Variants in SKAP1 observed in about 807,000 individuals in gnomAD.
SKAP1 encodes src kinase associated phosphoprotein 1.
In SKAP1, 44 loss-of-function variants were observed where a neutral mutation model predicts 58.5. The ratio of observed to expected loss-of-function variants is 0.75; its 90% confidence interval spans 0.59 to 0.97. The LOEUF (loss-of-function observed/expected upper bound fraction) is 0.97. Among genes scored for constraint, SKAP1 ranks in the 50% least tolerant of loss-of-function variants. SKAP1 has a pLI of 0.00. For synonymous variants in SKAP1, 127 were observed against 149.7 expected (o/e 0.85, Z 1.11); for missense variants, 390 against 435.2 (o/e 0.90, Z 0.92).
intron 4 of SKAP1, among the ~76,000 whole-genome samples, chr17:48,263,436 A>G (rs1200163562): frequency 6.6e-6 from 1 of 152,226 alleles, no homozygotes; most frequent in East Asian, 1.9e-4. Context: ...AAAGCAGACA[A>G]ATATTTTCTA....
At chr17:48,403,894 C>T (rs1211836999) in intron 1 of SKAP1, among the ~76,000 whole-genome samples, 1 of 151,898 alleles carries the variant, frequency 6.6e-6, no homozygotes, top group African/African-American at 2.4e-5. Context: ...TGAGACCAGC[C>T]TGGCCAATAT....
intron 4 of SKAP1, among the ~76,000 whole-genome samples, chr17:48,298,418 G>C (rs2066010216): frequency 6.6e-6 from 1 of 152,106 alleles, no homozygotes; most frequent in Non-Finnish European, 1.5e-5. Flanking sequence ...AAAAGTAGAT[G>C]ATTGAATTCA....
intron 4 of SKAP1, among the ~76,000 whole-genome samples, chr17:48,239,718 C>T (rs1233501135): frequency 6.6e-6 from 1 of 152,050 alleles, no homozygotes; most frequent in Non-Finnish European, 1.5e-5. Context: ...AACCATGAAT[C>T]CTACTCACTG....
intron 4 of SKAP1, among the ~76,000 whole-genome samples, chr17:48,192,094 C>T (rs939615536): frequency 1.3e-5 from 2 of 151,960 alleles, no homozygotes; most frequent in African/African-American, 2.4e-5. Context: ...GTAGGAGGAT[C>T]TCTTGAGTCC....
chr17:48,261,613 G>A (rs571671205), intron 4 of SKAP1, among the ~76,000 whole-genome samples: 3 of 152,124 alleles, frequency 2.0e-5, no homozygotes, highest in African/African-American at 4.8e-5. Flanking sequence ...GCAGTGATCA[G>A]AGTCATGGGG....
At chr17:48,254,164 C>A (rs2065397856) in intron 4 of SKAP1, among the ~76,000 whole-genome samples, 1 of 152,136 alleles carries the variant, frequency 6.6e-6, no homozygotes, top group Non-Finnish European at 1.5e-5. Flanking sequence ...GATTTCAACT[C>A]CCTGTAAATT....
chr17:48,256,292 G>T (rs1370052217), intron 4 of SKAP1, among the ~76,000 whole-genome samples: 1 of 151,520 alleles, frequency 6.6e-6, no homozygotes, highest in East Asian at 1.9e-4. Flanking sequence ...CTTTATTAAT[G>T]GTCTGATATT....
chr17:48,410,012 G>A (rs545849585), intron 1 of SKAP1, among the ~76,000 whole-genome samples: 1 of 152,288 alleles, frequency 6.6e-6, no homozygotes, highest in African/African-American at 2.4e-5. Flanking sequence ...AAGTAGCTTT[G>A]GAAATGAGCA....
intron 1 of SKAP1, among the ~76,000 whole-genome samples, chr17:48,410,153 A>G (rs1487916080): frequency 6.6e-6 from 1 of 152,198 alleles, no homozygotes; most frequent in Non-Finnish European, 1.5e-5. Flanking sequence ...TTGAACAATT[A>G]AGTAAATGGA....
At chr17:48,405,392 C>CCTTTCTGT (rs2067557735) in intron 1 of SKAP1, among the ~76,000 whole-genome samples, 1 of 107,310 alleles carries the variant, frequency 9.3e-6, no homozygotes, top group African/African-American at 3.7e-5. Flanking sequence ...TTTTCTCTTT[C>CCTTTCTGT]CTTTCTTTCT....
At chr17:48,223,510 CT>C (rs2065028692) in intron 4 of SKAP1, among the ~76,000 whole-genome samples, 1 of 152,144 alleles carries the variant, frequency 6.6e-6, no homozygotes, top group Non-Finnish European at 1.5e-5. Flanking sequence ...TGAAAATGCC[CT>C]TTTGGCATCA....
intron 4 of SKAP1, among the ~76,000 whole-genome samples, chr17:48,282,273 T>A: frequency 6.6e-6 from 1 of 152,194 alleles, no homozygotes; most frequent in Non-Finnish European, 1.5e-5. Flanking sequence ...AATTATCAAC[T>A]CATGGCCAAT....
intron 4 of SKAP1, among the ~76,000 whole-genome samples, chr17:48,321,214 C>G (rs956848969): frequency 6.6e-6 from 1 of 152,024 alleles, no homozygotes; most frequent in Non-Finnish European, 1.5e-5. Flanking sequence ...ATCATTTGGG[C>G]CAATTCCCTA....
At chr17:48,408,023 G>C (rs909250239) in intron 1 of SKAP1, among the ~76,000 whole-genome samples, 1 of 152,114 alleles carries the variant, frequency 6.6e-6, no homozygotes, top group Non-Finnish European at 1.5e-5. Context: ...GAGTAAAAAG[G>C]AGCAAAAACA....
At chr17:48,248,643 G>A (rs2065325319) in intron 4 of SKAP1, among the ~76,000 whole-genome samples, 1 of 152,110 alleles carries the variant, frequency 6.6e-6, no homozygotes, top group African/African-American at 2.4e-5. Flanking sequence ...TGCCGCCAAG[G>A]AGCCTATGTG....
In SKAP1 at chr17:48,224,088, A is replaced by AGAGGAG. The variant is rs1156753929; in HGVS notation, c.281-34594_281-34589dup. ...AGGAGAAGGAGGAGGAGGAGGAGGA[A>AGAGGAG]GAGGAGGAGGAGGAGGAGGAGGAGG... On this transcript the variant is annotated intron_variant, in intron 4 of 12. Transcript: ENST00000336915. Among the ~76,000 whole-genome samples the AGAGGAG allele has an allele frequency of 3.0e-4, 18 of 59,018 alleles. 1 individual carries two copies. Among genetic ancestry groups the AGAGGAG allele is most frequent in the African/African-American group, 1.2e-3 (17 of 13,766 alleles). 38.7% of individuals were successfully genotyped at this position (59,018 alleles called of 152,430 possible). A position where few individuals can be genotyped will look rare whatever the true frequency, so the allele number is the denominator to read the frequency against.
chr17:48,345,702 G>A (rs975396208), intron 4 of SKAP1, among the ~76,000 whole-genome samples: 2 of 152,146 alleles, frequency 1.3e-5, no homozygotes, highest in African/African-American at 4.8e-5. Context: ...GTCTCCCTAA[G>A]TACATTAACT....
At chr17:48,218,811 C>T (rs2064970102) in intron 4 of SKAP1, among the ~76,000 whole-genome samples, 1 of 152,024 alleles carries the variant, frequency 6.6e-6, no homozygotes, top group South Asian at 2.1e-4. Flanking sequence ...CCTGTTACTT[C>T]TATTGTAGGG....
chr17:48,196,836 A>G (rs189569279), intron 4 of SKAP1: 134 of 152,378 alleles, frequency 8.8e-4, no homozygotes, highest in Middle Eastern at 3.4e-3. Context: ...ATTGCCTCCT[A>G]GGGCAGATCT....
Sources: gnomAD v4.1 joint callset for allele counts (sites outside exome capture counted in the v4.1 genomes callset) on GRCh38, gnomAD v4.1.1 for gene constraint, MANE v1.5 for transcripts, NCBI Gene and HGNC (gene_info 2026-07-23, HGNC 2026-07-21) for gene names.